The following CCDC171 variants were observed in gnomAD, a reference collection of about 807,000 sequenced individuals.
CCDC171 encodes the protein coiled-coil domain containing 171, also known as coiled-coil domain-containing protein 171.
In CCDC171, 177 loss-of-function variants were observed where a neutral mutation model predicts 168.2. The ratio of observed to expected loss-of-function variants is 1.05; its 90% CI spans 0.93 to 1.19. CCDC171 has a LOEUF of 1.19. CCDC171 is among the 50% of genes most tolerant of loss of function. The pLI, the probability that CCDC171 is intolerant of heterozygous loss-of-function variation, is 0.00. For missense variants in CCDC171, 1,991 were observed against 1,539.0 expected, an observed-to-expected ratio of 1.29 and a Z score of -4.91; for synonymous variants, 687 against 540.8, an observed-to-expected ratio of 1.27 and a Z score of -3.75.
intron 23 of CCDC171, among the ~76,000 whole-genome samples, chr9:15,854,907 C>T (rs919380136): frequency 6.6e-6 from 1 of 151,576 alleles, no homozygotes; most frequent in East Asian, 1.9e-4. Context: ...TTTATTTTTG[C>T]TATGGAGTTA....
At chr9:15,755,676 T>C (rs1417975) in intron 18 of CCDC171, among the ~76,000 whole-genome samples, 144,099 of 152,266 alleles carry the variant, frequency 0.95, 68,226 homozygotes, top group East Asian at 1. Context: ...AGACATTATG[T>C]AGTGAAAGAG....
At chr9:15,583,358 G>C (rs1434081877) in intron 4 of CCDC171, among the ~76,000 whole-genome samples, 2 of 145,164 alleles carry the variant, frequency 1.4e-5, no homozygotes, top group Non-Finnish European at 3.0e-5. Context: ...GTTGCAGTGA[G>C]CCAAGATCGC....
chr9:15,577,838 G>C (rs1456352712), intron 3 of CCDC171, among the ~76,000 whole-genome samples: 3 of 152,246 alleles, frequency 2.0e-5, no homozygotes, highest in Non-Finnish European at 4.4e-5. Context: ...ACAGGCAAGA[G>C]AGGGATAACT....
At chr9:15,589,998 C>T (rs1587198848) in intron 4 of CCDC171, among the ~76,000 whole-genome samples, 1 of 152,030 alleles carries the variant, frequency 6.6e-6, no homozygotes, top group African/African-American at 2.4e-5. Flanking sequence ...TGAATATTTA[C>T]CGTTATGGAA....
At chr9:15,565,085 A>G (rs997485911) in intron 2 of CCDC171, among the ~76,000 whole-genome samples, 2 of 119,980 alleles carry the variant, frequency 1.7e-5, no homozygotes, top group South Asian at 3.0e-4. Flanking sequence ...CCCACCCCCC[A>G]CTTTTTTTTT....
chr9:15,585,805 C>G (rs1023171033), intron 4 of CCDC171, among the ~76,000 whole-genome samples: 3 of 151,966 alleles, frequency 2.0e-5, no homozygotes, highest in Non-Finnish European at 2.9e-5. Flanking sequence ...TAGTGAAACC[C>G]CATCTCTACT....
chr9:15,663,497 T>G (rs779809325), intron 8 of CCDC171, among the ~76,000 whole-genome samples: 8 of 152,102 alleles, frequency 5.3e-5, no homozygotes, highest in Non-Finnish European at 1.2e-4. Flanking sequence ...TTACGCCAAA[T>G]GTAGCATACT....
intron 22 of CCDC171, among the ~76,000 whole-genome samples, chr9:15,848,505 T>G (rs1288763545): frequency 6.6e-6 from 1 of 151,916 alleles, no homozygotes; most frequent in Non-Finnish European, 1.5e-5. Context: ...TAAGATTTTT[T>G]AAGTCTTTTT....
intron 9 of CCDC171, among the ~76,000 whole-genome samples, chr9:15,676,488 G>A (rs1201294664): frequency 1.3e-5 from 2 of 152,086 alleles, no homozygotes; most frequent in South Asian, 4.2e-4. Context: ...CTCTGTGGGA[G>A]CTGCAGACTG....
chr9:15,993,585 T>C (rs941664952), intron 3 of CCDC171, among the ~76,000 whole-genome samples: 4 of 152,062 alleles, frequency 2.6e-5, no homozygotes, highest in African/African-American at 9.7e-5. Context: ...AAAGCCAAAA[T>C]TGACAAATGG....
chr9:15,692,504 C>G lies in CCDC171; in HGVS notation c.1216-2731C>G, dbSNP rs531376983. Among the ~76,000 whole-genome samples the G allele has an allele frequency of 1.8e-4, 28 of 151,428 alleles. 1 individual carries two copies. Among genetic ancestry groups the G allele is most frequent in the African/African-American group, 6.5e-4 (27 of 41,366 alleles). On this transcript the variant is annotated intron_variant, in intron 10 of 25. Coordinates refer to ENST00000380701, the MANE Select transcript of CCDC171 (RefSeq NM_173550.4). ...TCTCTCTCTTAATCATCCAGATTCTCTTCTCAGAGACAACCATCATTACTA... is the reference window on the plus strand; with the variant it reads ...TCTCTCTCTTAATCATCCAGATTCTGTTCTCAGAGACAACCATCATTACTA...
intron 25 of CCDC171, among the ~76,000 whole-genome samples, chr9:15,955,812 C>T (rs1351215924): frequency 6.6e-6 from 1 of 152,036 alleles, no homozygotes; most frequent in East Asian, 1.9e-4. Flanking sequence ...AAGGTGCTTT[C>T]TATCAGGGAC....
At chr9:15,965,757 A>G (rs1487959694) in intron 25 of CCDC171, among the ~76,000 whole-genome samples, 1 of 152,198 alleles carries the variant, frequency 6.6e-6, no homozygotes, top group Non-Finnish European at 1.5e-5. Context: ...CCTATGAGGG[A>G]TTAGTCTGCC....
intron 4 of CCDC171, among the ~76,000 whole-genome samples, chr9:15,582,940 A>G (rs1380743305): frequency 3.3e-5 from 5 of 152,090 alleles, no homozygotes; most frequent in South Asian, 2.1e-4. Flanking sequence ...AAAAAAAAAA[A>G]AAAAGAACCA....
At chr9:15,851,322 G>GT (rs370527200) in intron 23 of CCDC171, among the ~76,000 whole-genome samples, 6 of 150,916 alleles carry the variant, frequency 4.0e-5, no homozygotes, top group African/African-American at 4.9e-5. Flanking sequence ...AAAACATATA[G>GT]TTTTTTTTCA....
rs867649222 is a variant in CCDC171 at position 15,625,143 on chromosome 9, G to A, written c.822+1730G>A. Among the ~76,000 whole-genome samples the A allele has an allele frequency of 1.4e-3, 207 of 152,130 alleles. 1 individual carries two copies. The highest frequency in any genetic ancestry group is 4.5e-3 in the African/African-American group (187 of 41,506). ...TGAGAAGTGTCTGTTCATATCCTTCGCCCACTTTTTGATGGGGTTGTTTGA... is the reference window on the plus strand; with the variant it reads ...TGAGAAGTGTCTGTTCATATCCTTCACCCACTTTTTGATGGGGTTGTTTGA... On this transcript the variant is annotated intron_variant, in intron 7 of 25. Transcript: ENST00000380701.
rs866715029 is a variant in CCDC171 at position 15,972,951 on chromosome 9, G to A, written c.*1115G>A. 1 of 152,102 alleles carries A rather than the reference G, an allele frequency of 6.6e-6. No individual in the cohort carries two copies. Among genetic ancestry groups the A allele is most frequent in the Non-Finnish European group, 1.5e-5 (1 of 68,036 alleles). The allele number at this position is 152,102 out of a possible 1,614,324, so 9.4% of individuals were successfully genotyped here. The stretch of plus-strand genomic sequence containing the variant: ...AGTTCTAACCACAAAGAGGTTTCTG[G>A]TAACTTACTTGACAAGCTTTTGGGT... On this transcript the variant is annotated 3_prime_UTR_variant, in exon 26 of 26. Transcript: ENST00000380701.
intron 14 of CCDC171, 73 bp from the exon 15 acceptor site, chr9:15,727,796 C>T: frequency 8.7e-7 from 1 of 1,145,192 alleles, no homozygotes; most frequent in South Asian, 2.0e-5. Context: ...AACTCTTCAC[C>T]ATTAGTATTA....
At chr9:15,792,051 T>C (rs1042345897) in intron 21 of CCDC171, among the ~76,000 whole-genome samples, 2 of 152,056 alleles carry the variant, frequency 1.3e-5, no homozygotes, top group Admixed American at 6.6e-5. Flanking sequence ...TTGGAACCCA[T>C]CGCAAAGAAG....
Sources: gnomAD v4.1 joint callset for allele counts (sites outside exome capture counted in the v4.1 genomes callset) on GRCh38, gnomAD v4.1.1 for gene constraint, MANE v1.5 for transcripts, NCBI Gene and HGNC (gene_info 2026-07-23, HGNC 2026-07-21) for gene names.